PRKG1: variants seen among roughly 807,000 people sequenced by gnomAD.
PRKG1 encodes cGMP-dependent protein kinase 1.
Under a neutral mutation model 88.1 loss-of-function variants are expected in PRKG1, and 35 were observed. The observed-to-expected ratio is 0.40, with a 90% confidence interval of 0.30 to 0.53. PRKG1 has a LOEUF of 0.53. Among genes scored for constraint, PRKG1 ranks in the 20% least tolerant of loss-of-function variants. The pLI is 0.59. For missense variants in PRKG1, 540 were observed against 839.8 expected, an observed-to-expected ratio of 0.64 and a Z score of 4.41; for synonymous variants, 303 against 292.5, an observed-to-expected ratio of 1.04 and a Z score of -0.37.
intron 9 of PRKG1, among the ~76,000 whole-genome samples, chr10:52,164,934 C>A (rs1266800530): frequency 6.6e-6 from 1 of 152,118 alleles, no homozygotes; most frequent in Non-Finnish European, 1.5e-5. Context: ...ACTGTCTTAG[C>A]AAATTTCAAC....
At chr10:51,860,638 G>C (rs1246867015) in intron 4 of PRKG1, among the ~76,000 whole-genome samples, 3 of 152,152 alleles carry the variant, frequency 2.0e-5, no homozygotes, top group Admixed American at 6.5e-5. Context: ...CGTGCTCTAA[G>C]GTCCCATTCA....
intron 8 of PRKG1, among the ~76,000 whole-genome samples, chr10:52,138,165 C>T (rs1171842251): frequency 6.6e-6 from 1 of 151,904 alleles, no homozygotes; most frequent in African/African-American, 2.4e-5. Context: ...GCATGTCTCT[C>T]CCACTCCTCT....
At chr10:52,138,948 G>T (rs1007094760) in intron 8 of PRKG1, among the ~76,000 whole-genome samples, 1 of 151,982 alleles carries the variant, frequency 6.6e-6, no homozygotes, top group Non-Finnish European at 1.5e-5. Flanking sequence ...TTGATCCCAA[G>T]GTCCATAAAT....
chr10:52,140,913 G>A (rs187314391), intron 8 of PRKG1, among the ~76,000 whole-genome samples: 69 of 152,100 alleles, frequency 4.5e-4, no homozygotes, highest in African/African-American at 1.4e-3. Context: ...ATGTCACATC[G>A]CCCGTTGTCA....
chr10:51,323,070 T>A (rs1841496252), intron 2 of PRKG1, among the ~76,000 whole-genome samples: 1 of 152,188 alleles, frequency 6.6e-6, no homozygotes, highest in South Asian at 2.1e-4. Flanking sequence ...GAAAAATAGA[T>A]GCTCAGTGAT....
At chr10:51,821,928 A>G (rs1839757165) in intron 4 of PRKG1, among the ~76,000 whole-genome samples, 1 of 152,074 alleles carries the variant, frequency 6.6e-6, no homozygotes, top group Non-Finnish European at 1.5e-5. Context: ...GAACTACCAT[A>G]TGTTCAAGTA....
chr10:52,044,801 A>T (rs1287776710), intron 5 of PRKG1, among the ~76,000 whole-genome samples: 2 of 152,168 alleles, frequency 1.3e-5, no homozygotes, highest in African/African-American at 4.8e-5. Context: ...ACACAGCAGC[A>T]TACTCCCAGA....
chr10:51,989,029 A>C (rs1322130477), intron 5 of PRKG1, among the ~76,000 whole-genome samples: 1 of 152,064 alleles, frequency 6.6e-6, no homozygotes, highest in Admixed American at 6.6e-5. Context: ...TATATACCTG[A>C]AATTATTCTC....
chr10:51,972,478 C>T (rs1843734112), intron 5 of PRKG1, among the ~76,000 whole-genome samples: 1 of 152,112 alleles, frequency 6.6e-6, no homozygotes, highest in African/African-American at 2.4e-5. Context: ...CTAGCTCTTA[C>T]CTGATGGCTA....
At chr10:51,730,294 T>A (rs144494619) in intron 3 of PRKG1, among the ~76,000 whole-genome samples, 1 of 152,326 alleles carries the variant, frequency 6.6e-6, no homozygotes, top group Non-Finnish European at 1.5e-5. Flanking sequence ...TTGTACTGGC[T>A]TAATGGCTTT....
chr10:51,578,977 T>C (rs1396032885), intron 3 of PRKG1, among the ~76,000 whole-genome samples: 2 of 147,030 alleles, frequency 1.4e-5, no homozygotes, highest in Non-Finnish European at 3.0e-5. Flanking sequence ...ATAAGTTCTG[T>C]TGGTTTTTTT....
At chr10:52,026,444 T>C (rs1056442561) in intron 5 of PRKG1, among the ~76,000 whole-genome samples, 3 of 152,206 alleles carry the variant, frequency 2.0e-5, no homozygotes, top group African/African-American at 7.2e-5. Flanking sequence ...AAGTGAAAGA[T>C]ACCAAACACA....
intron 9 of PRKG1, among the ~76,000 whole-genome samples, chr10:52,213,846 C>T (rs1274941279): frequency 6.6e-6 from 1 of 152,130 alleles, no homozygotes; most frequent in Non-Finnish European, 1.5e-5. Context: ...TGTTAAGTGC[C>T]TCCATTATAA....
intron 1 of PRKG1, among the ~76,000 whole-genome samples, chr10:51,100,125 A>G (rs1356686443): frequency 1.3e-5 from 2 of 152,080 alleles, no homozygotes; most frequent in Admixed American, 6.6e-5. Flanking sequence ...AACCCCTGGC[A>G]TTAAGTAGTC....
Position 51,646,747 on chromosome 10 carries a change from AAAAT to A in PRKG1, c.593-157831_593-157828del, listed in dbSNP as rs372437004. 9.3e-4 allele frequency among the ~76,000 whole-genome samples: 142 copies of A among 152,108 alleles called. No homozygotes were observed. The East Asian group carries it at 0.014, about 15-fold the overall frequency. ...TTTAACTAAAAACAGTATAAATTTA[AAAAT>A]AAATAATGTAATATATTTAATAAAT... On this transcript the variant is annotated intron_variant, in intron 3 of 17. Transcript: ENST00000373980.
intron 5 of PRKG1, among the ~76,000 whole-genome samples, chr10:51,921,803 A>G (rs941987042): frequency 1.3e-5 from 2 of 152,008 alleles, no homozygotes; most frequent in Non-Finnish European, 2.9e-5. Flanking sequence ...GCATTGTTAG[A>G]TTTGACTTGA....
intron 7 of PRKG1, among the ~76,000 whole-genome samples, chr10:52,079,969 G>C (rs906629403): frequency 6.6e-6 from 1 of 152,122 alleles, no homozygotes; most frequent in East Asian, 1.9e-4. Flanking sequence ...AAGCTGTTCT[G>C]ATGGTAGCAC....
intron 3 of PRKG1, among the ~76,000 whole-genome samples, chr10:51,596,673 T>C (rs1838456989): frequency 6.6e-6 from 1 of 152,226 alleles, no homozygotes; most frequent in South Asian, 2.1e-4. Flanking sequence ...GTCTCCCACT[T>C]GGCTTTTTGG....
At chr10:51,915,235 A>G (rs1407417421) in intron 5 of PRKG1, among the ~76,000 whole-genome samples, 2 of 152,218 alleles carry the variant, frequency 1.3e-5, no homozygotes, top group East Asian at 1.9e-4. Context: ...TCTCTCTTTT[A>G]TCATTCTAAA....
Sources: allele counts gnomAD v4.1 joint callset (sites outside exome capture counted in the v4.1 genomes callset), GRCh38; gene constraint gnomAD v4.1.1; transcripts MANE v1.5; gene names NCBI Gene and HGNC (gene_info 2026-07-23, HGNC 2026-07-21).